The following MYLK variants were observed in gnomAD, a reference collection of about 807,000 sequenced individuals.
The protein encoded by MYLK is myosin light chain kinase, smooth muscle.
Under a neutral mutation model 203.4 loss-of-function variants are expected in MYLK, and 106 were observed. The ratio of observed to expected loss-of-function variants is 0.52; its 90% CI spans 0.45 to 0.61. The LOEUF (loss-of-function observed/expected upper bound fraction) is 0.61, where lower values mean the gene tolerates loss of function less well. Among genes scored for constraint, MYLK ranks in the 20% least tolerant of loss-of-function variants. The pLI, the probability that MYLK is intolerant of heterozygous loss-of-function variation, is 0.00. For missense variants in MYLK, 2,072 were observed against 2,442.3 expected (o/e 0.85, Z 3.20); for synonymous variants, 867 against 959.5 (o/e 0.90, Z 1.78).
intron 3 of MYLK, 193 bp downstream of exon 3, chr3:123,831,355 A>G (rs2682213): frequency 0.19 from 243,735 of 1,284,536 alleles, 24,146 homozygotes; most frequent in South Asian, 0.23. Context: ...GCTAAGCCAA[A>G]ATCAACAGAC....
At chr3:123,807,292 G>A (rs2065402397) in intron 3 of MYLK, among the ~76,000 whole-genome samples, 2 of 152,060 alleles carry the variant, frequency 1.3e-5, no homozygotes. Flanking sequence ...AGCTGGGTGT[G>A]GTGGCAGGCG....
intron 27 of MYLK, among the ~76,000 whole-genome samples, chr3:123,646,057 G>A (rs1251115880): frequency 6.6e-6 from 1 of 152,178 alleles, no homozygotes; most frequent in Non-Finnish European, 1.5e-5. Flanking sequence ...CTGGGAGGCG[G>A]AGGTTGCAAT....
intron 15 of MYLK, among the ~76,000 whole-genome samples, 185 bp from the exon 16 acceptor site, chr3:123,708,188 CA>C (rs1197494923): frequency 6.6e-6 from 1 of 152,208 alleles, no homozygotes; most frequent in Non-Finnish European, 1.5e-5. Flanking sequence ...ATCTCGGATA[CA>C]TTCTCAGAGG....
rs143463843 is a variant in MYLK at position 123,726,133 on chromosome 3, G to A, written c.1517-55C>T. 52 of 1,608,778 alleles carry A rather than the reference G, an allele frequency of 3.2e-5. No individual in the cohort carries two copies. In the African/African-American group the frequency reaches 5.6e-4, roughly 17 times the overall value. On this transcript the variant is annotated intron_variant, in intron 11 of 33. Transcript: ENST00000360304. Reference sequence around the variant, plus strand: ...ATCACAGCTTGCCCACTCTGGTGATGCCTGCAGTCACCCCAGCCTCCCAGG... The same window carrying A: ...ATCACAGCTTGCCCACTCTGGTGATACCTGCAGTCACCCCAGCCTCCCAGG...
intron 26 of MYLK, 22 bp from the exon 27 acceptor site, chr3:123,647,449 G>A: frequency 6.2e-7 from 1 of 1,610,910 alleles, no homozygotes; most frequent in Non-Finnish European, 8.5e-7. Flanking sequence ...AGGGGGAGGA[G>A]AGAAAAGCCA....
chr3:123,657,455 C>T (rs757763711), intron 23 of MYLK, 27 bp from the exon 24 acceptor site: 4 of 1,610,494 alleles, frequency 2.5e-6, no homozygotes, highest in Non-Finnish European at 3.4e-6. Flanking sequence ...ACAACATCAC[C>T]CACACTTTCC....
intron 3 of MYLK, among the ~76,000 whole-genome samples, chr3:123,822,494 ATCCT>A (rs1487067622): frequency 1.3e-5 from 2 of 152,216 alleles, no homozygotes; most frequent in African/African-American, 4.8e-5. Context: ...GGACTCCTCC[ATCCT>A]TCTTCATCTG....
At position 123,648,570 on chromosome 3, in the gene MYLK, A is replaced by AC. The variant is rs2059102413; in HGVS notation, c.4415+400dup. The stretch of plus-strand genomic sequence containing the variant: ...GCCATGGTGGTTTGCTGCACCTAAC[A>AC]CCCCACCATCTAGGTATTAAGCTCA... On this transcript the variant is annotated intron_variant, in intron 26 of 33. Transcript: ENST00000360304. This position sits in a 1 kb window ranked among gnomAD's most constrained non-coding sequence, Gnocchi z 4.5. Among the ~76,000 whole-genome samples the AC allele has an allele frequency of 6.6e-6, 1 of 151,970 alleles. No homozygotes were observed. Among genetic ancestry groups the AC allele is most frequent in the Admixed American group, 6.6e-5 (1 of 15,256 alleles).
chr3:123,871,685 G>C (rs115995373), intron 2 of MYLK, among the ~76,000 whole-genome samples: 1 of 151,506 alleles, frequency 6.6e-6, no homozygotes. Context: ...AAATCATGCC[G>C]CAAAACAACT....
Position 123,716,107 on chromosome 3 carries a change from C to G in MYLK, c.1804+6021G>C, listed in dbSNP as rs546154769. Reference sequence around the variant, plus strand: ...GGGGCACCATGGAAGCACAGTGCCCCCATCTTTCTTTATTTGGAGTTCAAA... The same window carrying G: ...GGGGCACCATGGAAGCACAGTGCCCGCATCTTTCTTTATTTGGAGTTCAAA... On this transcript the variant is annotated intron_variant, in intron 13 of 33. Coordinates refer to ENST00000360304, the MANE Select transcript of MYLK (RefSeq NM_053025.4). The G allele has an allele frequency of 7.9e-5, 12 of 152,320 alleles. No homozygotes were observed. The East Asian group carries it at 2.1e-3, about 27-fold the overall frequency. 9.4% of individuals were successfully genotyped at this position (152,320 alleles called of 1,614,324 possible). A position where few individuals can be genotyped will look rare whatever the true frequency, so the allele number is the denominator to read the frequency against.
At chr3:123,728,118 C>T (rs1158816032) in intron 11 of MYLK, among the ~76,000 whole-genome samples, 3 of 152,104 alleles carry the variant, frequency 2.0e-5, no homozygotes, top group African/African-American at 4.8e-5. Flanking sequence ...ATAAAAGCAA[C>T]AACAATACTG....
chr3:123,657,931 A>T (rs984185737), intron 23 of MYLK, among the ~76,000 whole-genome samples: 8 of 152,168 alleles, frequency 5.3e-5, no homozygotes, highest in Non-Finnish European at 1.2e-4. Context: ...GTGGTATAGC[A>T]CAGTGTTTGT....
chr3:123,700,547 G>C lies in MYLK; in HGVS notation c.2921C>G (p.Pro974Arg), dbSNP rs1553803753. Residue 974 changes from proline to arginine, a missense_variant, in exon 18 of 34, where the codon CCA becomes CGA. By Grantham distance (103) the Pro-to-Arg change is moderately radical. This residue lies in a region of MYLK where 865 missense variants were observed against 1,016.0 expected (regional missense o/e 0.85). Coordinates refer to ENST00000360304, the MANE Select transcript of MYLK (RefSeq NM_053025.4). ...KTPVPEKVPP[P>R]KPATPDFRSV... ...GCGAAAATCCGGGGTGGCAGGTTTT[G>C]GCGGTGGCACCTTCTCAGGCACGGG... is the stretch of plus-strand genomic sequence containing the variant. 6.2e-7 allele frequency: 1 copy of C among 1,613,658 alleles called. No individual in the cohort carries two copies. Among genetic ancestry groups the C allele is most frequent in the Non-Finnish European group, 8.5e-7 (1 of 1,179,796 alleles).
intron 1 of MYLK, among the ~76,000 whole-genome samples, chr3:123,883,055 G>A (rs1438013179): frequency 2.6e-5 from 4 of 152,184 alleles, no homozygotes; most frequent in Admixed American, 6.5e-5. Context: ...AAGTGTGGGC[G>A]GGGTTCCCCA....
At position 123,816,017 on chromosome 3, in the gene MYLK, T is replaced by C. The variant is rs554916748; in HGVS notation, c.-4+15531A>G. On this transcript the variant is annotated intron_variant, in intron 3 of 33. Transcript: ENST00000360304. ...CTTGTCTCCCCAGCTGCAATGCCTA[T>C]GAGCAGGACCTGGGTTTGTACATCT... Among the ~76,000 whole-genome samples, 4 of 152,222 alleles carry C rather than the reference T, an allele frequency of 2.6e-5. No homozygotes were observed. In the South Asian group the frequency reaches 8.3e-4, roughly 31 times the overall value.
chr3:123,691,566 A>C (rs1198298299), intron 19 of MYLK: 3 of 152,200 alleles, frequency 2.0e-5, no homozygotes, highest in Non-Finnish European at 4.4e-5. Context: ...CCCATTCATC[A>C]TGTTCCATAG....
At chr3:123,720,935 C>T (rs1484213596) in intron 13 of MYLK, among the ~76,000 whole-genome samples, 2 of 152,170 alleles carry the variant, frequency 1.3e-5, no homozygotes, top group African/African-American at 2.4e-5. Context: ...TAGGAATGAG[C>T]ACAGACTTGA....
intron 5 of MYLK, among the ~76,000 whole-genome samples, chr3:123,744,646 C>T (rs2062960996): frequency 6.6e-6 from 1 of 152,042 alleles, no homozygotes; most frequent in Admixed American, 6.6e-5. Flanking sequence ...AAGGTAAAAT[C>T]TCACCTTACC....
chr3:123,617,814 C>T (rs949139978), intron 33 of MYLK: 7 of 152,228 alleles, frequency 4.6e-5, no homozygotes, highest in South Asian at 2.1e-4. Context: ...AAAATGGAAA[C>T]GCTTTGTGTC....
Sources: allele counts gnomAD v4.1 joint callset (sites outside exome capture counted in the v4.1 genomes callset), GRCh38; gene constraint gnomAD v4.1.1; regional missense constraint gnomAD v4.1.1; non-coding constraint Gnocchi (gnomAD v3.1); transcripts MANE v1.5; gene names NCBI Gene and HGNC (gene_info 2026-07-23, HGNC 2026-07-21).